Variants in SYT2 observed in about 807,000 individuals in gnomAD.
SYT2 encodes synaptotagmin-2.
A neutral mutation model predicts 39.9 loss-of-function variants in SYT2; 15 were observed. That is an observed-to-expected ratio of 0.38 (90% CI 0.25 to 0.58). The LOEUF (loss-of-function observed/expected upper bound fraction) is 0.58, where lower values mean the gene tolerates loss of function less well. SYT2 is among the 20% of genes least tolerant of loss of function. The pLI is 0.70. For missense variants in SYT2, 389 were observed against 530.3 expected (o/e 0.73, Z 2.62); for synonymous variants, 181 against 204.5 (o/e 0.89, Z 0.98).
intron 1 of SYT2, among the ~76,000 whole-genome samples, chr1:202,664,288 C>T (rs1692442602): frequency 6.6e-6 from 1 of 152,230 alleles, no homozygotes; most frequent in Admixed American, 6.5e-5. Flanking sequence ...AGGTGACTCA[C>T]TGCCATCCTT....
intron 1 of SYT2, among the ~76,000 whole-genome samples, chr1:202,696,392 C>T (rs1653974264): frequency 6.6e-6 from 1 of 152,244 alleles, no homozygotes; most frequent in South Asian, 2.1e-4. Context: ...GCCATGCACG[C>T]ATCATGTTCC....
At chr1:202,639,404 C>T (rs2149095682) in intron 1 of SYT2, 2 of 644,284 alleles carry the variant, frequency 3.1e-6, no homozygotes, top group South Asian at 1.4e-4. Flanking sequence ...TCTACAAGGG[C>T]TGGCAAGCTC....
At chr1:202,706,972 G>A (rs111522329) in intron 1 of SYT2, among the ~76,000 whole-genome samples, 2,425 of 152,268 alleles carry the variant, frequency 0.016, 61 homozygotes, top group African/African-American at 0.056. Flanking sequence ...ACATGCTCTC[G>A]AAGCTTCCTA....
intron 6 of SYT2, 75 bp from the exon 7 acceptor site, chr1:202,600,549 C>G: frequency 7.2e-7 from 1 of 1,379,350 alleles, no homozygotes; most frequent in Non-Finnish European, 1.0e-6. Flanking sequence ...CTCTTTCTTG[C>G]CAAAATTAGC....
intron 1 of SYT2, among the ~76,000 whole-genome samples, chr1:202,653,471 C>T (rs1357612939): frequency 6.6e-6 from 1 of 151,856 alleles, no homozygotes; most frequent in Non-Finnish European, 1.5e-5. Context: ...GGCCGTTACC[C>T]CCACCCCCAC....
intron 1 of SYT2, among the ~76,000 whole-genome samples, chr1:202,611,230 CTTTT>C (rs1690876516): frequency 6.6e-6 from 1 of 152,058 alleles, no homozygotes; most frequent in African/African-American, 2.4e-5. Context: ...AATATTTTGT[CTTTT>C]TATTATTGAG....
intron 1 of SYT2, among the ~76,000 whole-genome samples, chr1:202,640,770 GA>G (rs1691888594): frequency 1.4e-5 from 2 of 140,302 alleles, no homozygotes; most frequent in Non-Finnish European, 3.0e-5. Context: ...GAGAGAGAGA[GA>G]GAGAGAGAGA....
rs1251101791 is a variant in SYT2, at chr1:202,620,426, G to A, written c.-17-14637C>T. Among the ~76,000 whole-genome samples, 6 of 152,242 alleles carry A rather than the reference G, an allele frequency of 3.9e-5. No individual in the cohort carries two copies. The East Asian group carries it at 9.7e-4, about 25-fold the overall frequency. On this transcript the variant is annotated intron_variant, in intron 1 of 8. Transcript: ENST00000367268. ...GGCCTGGGGTGAGTTAGGAGTTGGG[G>A]AGCAGGTGACAACCTGGTTGGCTTA...
intron 1 of SYT2, among the ~76,000 whole-genome samples, chr1:202,693,237 C>T (rs1653884786): frequency 6.6e-6 from 1 of 152,032 alleles, no homozygotes; most frequent in South Asian, 2.1e-4. Context: ...AAGGGTGCTA[C>T]GGAGGATTCA....
At chr1:202,602,813 A>G (rs937152718) in intron 4 of SYT2, among the ~76,000 whole-genome samples, 186 bp downstream of exon 4, 3 of 152,178 alleles carry the variant, frequency 2.0e-5, no homozygotes, top group African/African-American at 7.2e-5. Context: ...ACCTTCCCCA[A>G]AGCAGGCTAG....
intron 1 of SYT2, among the ~76,000 whole-genome samples, chr1:202,679,153 T>C (rs1653463025): frequency 6.6e-6 from 1 of 152,180 alleles, no homozygotes; most frequent in African/African-American, 2.4e-5. Context: ...CCTTAGCTGC[T>C]GAGCAGGAGG....
intron 1 of SYT2, among the ~76,000 whole-genome samples, chr1:202,663,652 C>G (rs914263544): frequency 2.6e-4 from 40 of 152,218 alleles, no homozygotes; most frequent in African/African-American, 9.4e-4. Context: ...TTCTACAATC[C>G]CCTTTTACCT....
chr1:202,693,564 T>C (rs928076892), intron 1 of SYT2, among the ~76,000 whole-genome samples: 4 of 152,030 alleles, frequency 2.6e-5, no homozygotes, highest in African/African-American at 9.7e-5. Flanking sequence ...CAAGAAAAAT[T>C]TGGAGCATGT....
intron 1 of SYT2, among the ~76,000 whole-genome samples, chr1:202,675,860 T>C (rs1476963911): frequency 6.6e-6 from 1 of 152,232 alleles, no homozygotes; most frequent in East Asian, 1.9e-4. Flanking sequence ...TAATCATTCC[T>C]AACCTCTTTT....
chr1:202,599,376 A>G lies in SYT2; in HGVS notation c.920-25T>C. ...TCTGCGGAGGGAGAATCCCAACCCC[A>G]GAGAGGTTCCCCTTAGCCCCCAGCC... On this transcript the variant is annotated intron_variant, in intron 7 of 8. Coordinates refer to ENST00000367268, the MANE Select transcript of SYT2 (RefSeq NM_177402.5). The surrounding 1 kb of genome is among the most constrained non-coding windows in gnomAD (Gnocchi z 4.4). The G allele has an allele frequency of 6.4e-7, 1 of 1,573,018 alleles. No homozygotes were observed.
At chr1:202,666,046 G>A (rs544684002) in intron 1 of SYT2, among the ~76,000 whole-genome samples, 56 of 151,944 alleles carry the variant, frequency 3.7e-4, no homozygotes, top group African/African-American at 1.2e-3. Flanking sequence ...CCAGCTACTC[G>A]GGAGGTTGAG....
Position 202,596,891 on chromosome 1 carries a change from C to G in SYT2, c.1126G>C (p.Val376Leu). ...TCTGTGCCCGTGGCATTGCTGCCCA[C>G]GAAGATCTTGCCTATGGCTTCGTTC... The part of the protein sequence containing the change: ...GKNEAIGKIF[V>L]GSNATGTELR... The change falls in exon 9 of 9, where the codon GTG becomes CTG. Residue 376 changes from valine (V) to leucine (L), a missense_variant. Val to Leu is a conservative substitution (Grantham distance 32). This residue lies in a region of SYT2 where 84 missense variants were observed against 123.1 expected (regional missense o/e 0.68). Coordinates refer to ENST00000367268, the MANE Select transcript of SYT2 (RefSeq NM_177402.5). 1 of 1,614,208 alleles carries G rather than the reference C, an allele frequency of 6.2e-7. No individual in the cohort carries two copies. The highest frequency in any genetic ancestry group is 8.5e-7 in the Non-Finnish European group (1 of 1,180,036).
At chr1:202,664,356 C>A (rs16850204) in intron 1 of SYT2, among the ~76,000 whole-genome samples, 78,334 of 151,994 alleles carry the variant, frequency 0.52, 22,067 homozygotes, top group East Asian at 0.77. Context: ...TCATTGGCCT[C>A]ATTTTATGTT....
intron 1 of SYT2, among the ~76,000 whole-genome samples, chr1:202,606,884 T>C (rs1419665335): frequency 6.6e-6 from 1 of 152,148 alleles, no homozygotes; most frequent in African/African-American, 2.4e-5. Context: ...GACCATACTA[T>C]GTATAGTTTT....
Sources: gnomAD v4.1 joint callset for allele counts (sites outside exome capture counted in the v4.1 genomes callset) on GRCh38, gnomAD v4.1.1 for gene constraint, gnomAD v4.1.1 regional missense constraint, Gnocchi (gnomAD v3.1) non-coding constraint, MANE v1.5 for transcripts, NCBI Gene and HGNC (gene_info 2026-07-23, HGNC 2026-07-21) for gene names.